Variants in TXNDC16 observed in about 807,000 individuals in gnomAD.
TXNDC16 encodes thioredoxin domain containing 16.
A neutral mutation model predicts 85.6 loss-of-function variants in TXNDC16; 74 were observed. The observed-to-expected ratio is 0.86, with a 90% CI of 0.72 to 1.05. The LOEUF (loss-of-function observed/expected upper bound fraction) is 1.05. TXNDC16 is among the 50% of genes least tolerant of loss of function. The probability of loss-of-function intolerance (pLI) is 0.00; values close to 1 mark genes in which losing one functional copy is unlikely to be tolerated. For missense variants in TXNDC16, 959 were observed against 947.0 expected, an observed-to-expected ratio of 1.01 and a Z score of -0.17; for synonymous variants, 335 against 326.5, an observed-to-expected ratio of 1.03 and a Z score of -0.28.
At chr14:52,543,290 C>T (rs2037872690) in intron 3 of TXNDC16, 108 bp downstream of exon 3, 1 of 1,204,212 alleles carries the variant, frequency 8.3e-7, no homozygotes, top group Non-Finnish European at 1.2e-6. Context: ...ATAGTAACAG[C>T]TATATAGCAC....
At chr14:52,444,572 C>G (rs1439520909) in intron 18 of TXNDC16, among the ~76,000 whole-genome samples, 1 of 152,022 alleles carries the variant, frequency 6.6e-6, no homozygotes, top group Non-Finnish European at 1.5e-5. Flanking sequence ...CAAATAAAAA[C>G]ATTGGAAACA....
At position 52,430,785 on chromosome 14, in the gene TXNDC16, C is replaced by G. The variant is rs2034873885; in HGVS notation, c.*1519G>C. 1 of 152,008 alleles carries G rather than the reference C, an allele frequency of 6.6e-6. No individual in the cohort carries two copies. Among genetic ancestry groups the G allele is most frequent in the African/African-American group, 2.4e-5 (1 of 41,386 alleles). 9.4% of individuals were successfully genotyped at this position (152,008 alleles called of 1,614,324 possible). On this transcript the variant is annotated 3_prime_UTR_variant, in exon 21 of 21. Transcript: ENST00000281741. ...TATTTAGAGTTCACTCTCATTGTTC[C>G]CATATTAGAAATAAAAGCAAATGAA...
intron 14 of TXNDC16, among the ~76,000 whole-genome samples, chr14:52,472,925 T>C (rs2035941982): frequency 6.6e-6 from 1 of 152,160 alleles, no homozygotes; most frequent in Non-Finnish European, 1.5e-5. Flanking sequence ...AGATGGCCGC[T>C]CTGTCTTCCC....
intron 16 of TXNDC16, among the ~76,000 whole-genome samples, chr14:52,464,704 G>C (rs753263028): frequency 6.6e-6 from 1 of 152,080 alleles, no homozygotes; most frequent in African/African-American, 2.4e-5. Context: ...GGCTCAGGTG[G>C]GCAGATCACT....
chr14:52,510,526 A>G (rs2036929584), intron 9 of TXNDC16, among the ~76,000 whole-genome samples: 1 of 151,868 alleles, frequency 6.6e-6, no homozygotes, highest in Non-Finnish European at 1.5e-5. Context: ...ATATGAGTGC[A>G]AAGATCACAA....
At chr14:52,518,934 A>C (rs1470136596) in intron 7 of TXNDC16, among the ~76,000 whole-genome samples, 2 of 152,166 alleles carry the variant, frequency 1.3e-5, no homozygotes, top group African/African-American at 4.8e-5. Context: ...ACTGAAGTTA[A>C]GTAACTTGTC....
chr14:52,468,960 T>C (rs1370267229), intron 16 of TXNDC16, among the ~76,000 whole-genome samples: 3 of 151,558 alleles, frequency 2.0e-5, no homozygotes, highest in Non-Finnish European at 4.4e-5. Flanking sequence ...GAACCTAAAC[T>C]CATTATATGG....
intron 6 of TXNDC16, among the ~76,000 whole-genome samples, chr14:52,533,160 A>G (rs2037622057): frequency 1.3e-5 from 2 of 152,128 alleles, no homozygotes; most frequent in South Asian, 4.1e-4. Context: ...ACTCCTATAG[A>G]TGCCTGACTG....
At chr14:52,489,324 AC>A (rs2036348473) in intron 11 of TXNDC16, among the ~76,000 whole-genome samples, 1 of 152,182 alleles carries the variant, frequency 6.6e-6, no homozygotes, top group South Asian at 2.1e-4. Context: ...AAAAAATATT[AC>A]TTAAGATTTA....
intron 7 of TXNDC16, among the ~76,000 whole-genome samples, chr14:52,517,038 A>C (rs902091157): frequency 6.6e-6 from 1 of 151,830 alleles, no homozygotes; most frequent in African/African-American, 2.4e-5. Flanking sequence ...CCTTGCAATC[A>C]CCAATTAACG....
At chr14:52,496,275 G>C (rs984276132) in intron 9 of TXNDC16, among the ~76,000 whole-genome samples, 1 of 152,060 alleles carries the variant, frequency 6.6e-6, no homozygotes, top group African/African-American at 2.4e-5. Flanking sequence ...AAAAATGGAG[G>C]CACACGATAG....
chr14:52,545,803 C>A (rs1438689331), intron 1 of TXNDC16, among the ~76,000 whole-genome samples: 4 of 152,104 alleles, frequency 2.6e-5, no homozygotes, highest in African/African-American at 9.7e-5. Flanking sequence ...GGACATTTCA[C>A]ATGCATGGAA....
chr14:52,453,941 G>C (rs1303580745), intron 18 of TXNDC16, among the ~76,000 whole-genome samples: 1 of 152,124 alleles, frequency 6.6e-6, no homozygotes, highest in Non-Finnish European at 1.5e-5. Context: ...ACAAAAACTA[G>C]TTTGAAAGAA....
At chr14:52,528,191 T>C (rs1430545838) in intron 6 of TXNDC16, among the ~76,000 whole-genome samples, 1 of 152,142 alleles carries the variant, frequency 6.6e-6, no homozygotes, top group Admixed American at 6.6e-5. Context: ...AGTAGCAAAG[T>C]TCAAGTATAA....
At chr14:52,520,473 A>G (rs2037184631) in intron 6 of TXNDC16, among the ~76,000 whole-genome samples, 1 of 152,052 alleles carries the variant, frequency 6.6e-6, no homozygotes, top group Admixed American at 6.6e-5. Flanking sequence ...AGCCAGGCGC[A>G]GTGGCGGGCA....
At chr14:52,546,023 C>T (rs1194516462) in intron 1 of TXNDC16, among the ~76,000 whole-genome samples, 5 of 151,838 alleles carry the variant, frequency 3.3e-5, no homozygotes, top group Non-Finnish European at 5.9e-5. Context: ...CGGTGGCTCA[C>T]GCTTACAATT....
At chr14:52,534,703 A>G (rs533482043) in intron 6 of TXNDC16, among the ~76,000 whole-genome samples, 27 of 152,196 alleles carry the variant, frequency 1.8e-4, no homozygotes, top group Non-Finnish European at 3.2e-4. Flanking sequence ...CCTTATGCAT[A>G]CATACTTCTA....
chr14:52,480,020 C>T (rs1046584700), intron 14 of TXNDC16, among the ~76,000 whole-genome samples: 1 of 152,078 alleles, frequency 6.6e-6, no homozygotes, highest in Non-Finnish European at 1.5e-5. Flanking sequence ...CTAATACTTA[C>T]AGCCAACTGA....
At chr14:52,532,903 C>A (rs2037616565) in intron 6 of TXNDC16, among the ~76,000 whole-genome samples, 1 of 152,146 alleles carries the variant, frequency 6.6e-6, no homozygotes, top group Admixed American at 6.5e-5. Flanking sequence ...GGACAGCATA[C>A]TGTTTGGCAT....
Sources: allele counts gnomAD v4.1 joint callset (sites outside exome capture counted in the v4.1 genomes callset), GRCh38; gene constraint gnomAD v4.1.1; transcripts MANE v1.5; gene names NCBI Gene and HGNC (gene_info 2026-07-23, HGNC 2026-07-21).